Variants in RAB37 observed in about 807,000 individuals in gnomAD.
RAB37 encodes the protein ras-related protein Rab-37.
Under a neutral mutation model 33.1 loss-of-function variants are expected in RAB37, and 29 were observed. The ratio of observed to expected loss-of-function variants is 0.88; its 90% CI spans 0.65 to 1.20. The LOEUF is 1.20. RAB37 is among the 50% of genes most tolerant of loss of function. The probability of loss-of-function intolerance (pLI) is 0.00; values close to 1 mark genes in which losing one functional copy is unlikely to be tolerated. For synonymous variants in RAB37, 128 were observed against 119.5 expected (o/e 1.07, Z -0.47); for missense variants, 299 against 301.1 (o/e 0.99, Z 0.05).
At chr17:74,736,567 T>C, upstream of RAB37, 1 of 1,501,318 alleles carries the variant, frequency 6.7e-7, no homozygotes, top group African/African-American at 1.4e-5. Flanking sequence ...AGCGGTCCAC[T>C]GGGAGATGTG....
At chr17:74,673,676 C>T (rs2031757170) in intron 1 of RAB37, among the ~76,000 whole-genome samples, 1 of 151,946 alleles carries the variant, frequency 6.6e-6, no homozygotes, top group South Asian at 2.1e-4. Flanking sequence ...TTATTGATCA[C>T]CAAATTGAGA....
At chr17:74,734,959 GAAAGAAAGAA>G (rs1056152698), upstream of RAB37, among the ~76,000 whole-genome samples, 1 of 104,986 alleles carries the variant, frequency 9.5e-6, no homozygotes, top group South Asian at 2.8e-4. Context: ...AGAGAAAGAA[GAAAGAAAGAA>G]AAAGAAAGAA....
At chr17:74,728,972 G>A (rs2034349023) in intron 1 of RAB37, among the ~76,000 whole-genome samples, 1 of 151,546 alleles carries the variant, frequency 6.6e-6, no homozygotes, top group Non-Finnish European at 1.5e-5. Context: ...TTGTACATGT[G>A]TGTACGTGTA....
rs1464488193 is a variant in RAB37, at chr17:74,747,260, G to A, written c.*1849G>A. The A allele has an allele frequency of 6.6e-6, 1 of 151,886 alleles. No homozygotes were observed. The highest frequency in any genetic ancestry group is 2.4e-5 in the African/African-American group (1 of 41,294). The allele number at this position is 151,886 out of a possible 1,614,324, so 9.4% of individuals were successfully genotyped here. A position where few individuals can be genotyped will look rare whatever the true frequency, so the allele number is the denominator to read the frequency against. ...CTGGGGCCCAAGGCAGGTTGCAGGA[G>A]ATCCAATCCCATAGACAGCTCTGGG... is the stretch of plus-strand genomic sequence containing the variant. On this transcript the variant is annotated 3_prime_UTR_variant, in exon 9 of 9. Transcript: ENST00000392613.
chr17:74,714,146 G>T (rs1182415578), intron 1 of RAB37, among the ~76,000 whole-genome samples: 1 of 152,006 alleles, frequency 6.6e-6, no homozygotes, highest in Non-Finnish European at 1.5e-5. Context: ...AGGCGGCAGA[G>T]GTTGCAGTGA....
chr17:74,711,277 T>C (rs1213930190), intron 1 of RAB37, among the ~76,000 whole-genome samples: 1 of 151,846 alleles, frequency 6.6e-6, no homozygotes, highest in African/African-American at 2.4e-5. Context: ...TTCTGCCCAC[T>C]TCAGACAGAG....
At position 74,714,396 on chromosome 17, in the gene RAB37, AACACACACACACACAC is replaced by A. The variant is rs3046673; in HGVS notation, c.73-14837_73-14822del. 5.8e-5 allele frequency among the ~76,000 whole-genome samples: 8 copies of A among 137,964 alleles called. 1 individual carries two copies. The highest frequency in any genetic ancestry group is 3.6e-3 in the Middle Eastern group (1 of 274). The allele number at this position is 137,964 out of a possible 152,430, so 90.5% of individuals were successfully genotyped here. ...CAACAGAGCAGACGCTGTCTCTTTA[AACACACACACACACAC>A]ACACACACACACACACACACACGCA... On this transcript the variant is annotated intron_variant, in intron 1 of 7. Coordinates refer to the RAB37 transcript ENST00000340415.
Position 74,744,781 on chromosome 17 carries a change from C to T in RAB37, c.433-92C>T. ...TGCCTGCAGTCCCTTGGGCCACCAGCAGAGGGCAGGCAACGCCTGCTTCTG... is the reference window on the plus strand; with the variant it reads ...TGCCTGCAGTCCCTTGGGCCACCAGTAGAGGGCAGGCAACGCCTGCTTCTG... On this transcript the variant is annotated intron_variant, in intron 6 of 8. Transcript: ENST00000392613. This position sits in a 1 kb window ranked among gnomAD's most constrained non-coding sequence, Gnocchi z 4.2. The T allele has an allele frequency of 6.8e-7, 1 of 1,472,550 alleles. No homozygotes were observed. The highest frequency in any genetic ancestry group is 1.7e-5 in the Admixed American group (1 of 59,730). 91.2% of individuals were successfully genotyped at this position (1,472,550 alleles called of 1,614,324 possible).
chr17:74,711,755 G>C (rs973581632), intron 1 of RAB37, among the ~76,000 whole-genome samples: 2 of 152,094 alleles, frequency 1.3e-5, no homozygotes, highest in Non-Finnish European at 2.9e-5. Flanking sequence ...CTTCAGGGGG[G>C]TTGTTTCAGC....
At chr17:74,713,727 C>A (rs1299664047) in intron 1 of RAB37, among the ~76,000 whole-genome samples, 1 of 151,744 alleles carries the variant, frequency 6.6e-6, no homozygotes, top group Non-Finnish European at 1.5e-5. Context: ...AGATTCCAGA[C>A]CAAAGGTTGG....
intron 1 of RAB37, among the ~76,000 whole-genome samples, chr17:74,717,458 G>A (rs554947419): frequency 1.7e-4 from 26 of 152,294 alleles, no homozygotes; most frequent in African/African-American, 6.3e-4. Flanking sequence ...CCTTTGGAGA[G>A]TAACTAGGTC....
At chr17:74,717,099 C>A (rs983700744) in intron 1 of RAB37, among the ~76,000 whole-genome samples, 2 of 152,300 alleles carry the variant, frequency 1.3e-5, no homozygotes, top group South Asian at 4.1e-4. Context: ...CGCACCATTG[C>A]ATTCCAGCCT....
rs1364475192 is a variant in RAB37 at position 74,746,518 on chromosome 17, C to G, written c.*1107C>G. On this transcript the variant is annotated 3_prime_UTR_variant, in exon 9 of 9. Coordinates refer to ENST00000392613, the MANE Select transcript of RAB37 (RefSeq NM_001006638.3). The surrounding 1 kb of genome is among the most constrained non-coding windows in gnomAD (Gnocchi z 5.2). ...GGATTACACGCAGAAGGCACCATGC[C>G]CAGGCTAGATGTGTCTTATCCCAAT... The G allele has an allele frequency of 6.6e-6, 1 of 152,214 alleles. No homozygotes were observed. The highest frequency in any genetic ancestry group is 1.5e-5 in the Non-Finnish European group (1 of 68,058). 9.4% of individuals were successfully genotyped at this position (152,214 alleles called of 1,614,324 possible).
intron 1 of RAB37, among the ~76,000 whole-genome samples, chr17:74,680,365 C>T (rs2031928298): frequency 6.6e-6 from 1 of 152,086 alleles, no homozygotes; most frequent in Non-Finnish European, 1.5e-5. Flanking sequence ...CTCACTCACT[C>T]AAGAGTGGCT....
At chr17:74,688,657 T>C (rs1598187424) in intron 1 of RAB37, among the ~76,000 whole-genome samples, 1 of 152,026 alleles carries the variant, frequency 6.6e-6, no homozygotes, top group Non-Finnish European at 1.5e-5. Context: ...AGAACGGTTA[T>C]CTCTACAAAA....
chr17:74,692,383 CT>C (rs1454279278), intron 1 of RAB37, among the ~76,000 whole-genome samples: 1 of 152,084 alleles, frequency 6.6e-6, no homozygotes, highest in Non-Finnish European at 1.5e-5. Context: ...CGGAAAAGCC[CT>C]TGAAATTCTA....
chr17:74,742,308 G>C lies in RAB37; in HGVS notation c.246+13G>C. The C allele has an allele frequency of 6.2e-7, 1 of 1,608,304 alleles. No homozygotes were observed. Among genetic ancestry groups the C allele is most frequent in the Non-Finnish European group, 8.5e-7 (1 of 1,175,526 alleles). ...AGTGAAGCTGCAGGTGAGACCAGAG[G>C]CTGGAGTTGGGGAGGGAGGATGGAG... On this transcript the variant is annotated intron_variant, in intron 3 of 8. Transcript: ENST00000392613. The surrounding 1 kb of genome is among the most constrained non-coding windows in gnomAD (Gnocchi z 4.0).
chr17:74,689,562 T>A (rs2032121752), intron 1 of RAB37, among the ~76,000 whole-genome samples: 1 of 152,236 alleles, frequency 6.6e-6, no homozygotes, highest in Non-Finnish European at 1.5e-5. Context: ...TGAAATTGAA[T>A]AAGAATTTAC....
chr17:74,744,217 TAGTG>T lies in RAB37; in HGVS notation c.367-87_367-84del, dbSNP rs2034692200. The T allele has an allele frequency of 8.2e-7, 1 of 1,221,166 alleles. No individual in the cohort carries two copies. The highest frequency in any genetic ancestry group is 1.8e-5 in the Admixed American group (1 of 55,304). The allele number at this position is 1,221,166 out of a possible 1,614,324, so 75.6% of individuals were successfully genotyped here. On this transcript the variant is annotated intron_variant, in intron 5 of 8. Transcript: ENST00000392613. The surrounding 1 kb of genome is among the most constrained non-coding windows in gnomAD (Gnocchi z 4.2). ...AACGCACAGGGTATCGTGTTCAAGG[TAGTG>T]AGTAACTGAGGATAGTCAAACGGAG...
Sources: allele counts gnomAD v4.1 joint callset (sites outside exome capture counted in the v4.1 genomes callset), GRCh38; gene constraint gnomAD v4.1.1; non-coding constraint Gnocchi (gnomAD v3.1); transcripts MANE v1.5; gene names NCBI Gene and HGNC (gene_info 2026-07-23, HGNC 2026-07-21).